MAPT: variants seen among roughly 807,000 people sequenced by gnomAD.
MAPT encodes the protein microtubule-associated protein tau.
MAPT carries 34 observed loss-of-function variants against 67.9 expected under a neutral mutation model. The observed-to-expected ratio is 0.50, with a 90% CI of 0.38 to 0.67. The LOEUF (loss-of-function observed/expected upper bound fraction) is 0.67. Among genes scored for constraint, MAPT ranks in the 30% least tolerant of loss-of-function variants. The pLI is 0.00. For synonymous variants in MAPT, 456 were observed against 464.5 expected, an observed-to-expected ratio of 0.98 and a Z score of 0.23; for missense variants, 881 against 1,115.2, an observed-to-expected ratio of 0.79 and a Z score of 2.99.
At position 45,915,857 on chromosome 17, in the gene MAPT, C is replaced by T. The variant is rs1287728905; in HGVS notation, c.-18+21171C>T. The stretch of plus-strand genomic sequence containing the variant: ...GGTGAGGCTGACTGATGTCATTTGA[C>T]GATCTTGATGCCAAATCCTTTTATA... On this transcript the variant is annotated intron_variant, in intron 1 of 12. Transcript: ENST00000262410. This position sits in a 1 kb window ranked among gnomAD's most constrained non-coding sequence, Gnocchi z 4.4. Among the ~76,000 whole-genome samples, 4 of 152,182 alleles carry T rather than the reference C, an allele frequency of 2.6e-5. No individual in the cohort carries two copies. The highest frequency in any genetic ancestry group is 6.5e-5 in the Admixed American group (1 of 15,288).
At chr17:45,903,578 G>A (rs1471380725) in intron 1 of MAPT, among the ~76,000 whole-genome samples, 1 of 149,438 alleles carries the variant, frequency 6.7e-6, no homozygotes, top group African/African-American at 2.5e-5. Flanking sequence ...AGCCGGGCGT[G>A]GTGGCGGGCG....
intron 1 of MAPT, among the ~76,000 whole-genome samples, chr17:45,927,726 C>T (rs903348902): frequency 9.9e-5 from 15 of 152,088 alleles, no homozygotes; most frequent in Non-Finnish European, 1.5e-4. Context: ...CTAGGCCAGG[C>T]GCGGTGACTC....
Position 46,010,250 on chromosome 17 carries a change from G to T in MAPT, c.1999-60G>T. The T allele has an allele frequency of 8.4e-7, 1 of 1,190,442 alleles. No individual in the cohort carries two copies. The highest frequency in any genetic ancestry group is 1.5e-5 in the African/African-American group (1 of 66,154). The allele number at this position is 1,190,442 out of a possible 1,614,324, so 73.7% of individuals were successfully genotyped here. On this transcript the variant is annotated intron_variant, in intron 9 of 12. Transcript: ENST00000262410. The surrounding 1 kb of genome is among the most constrained non-coding windows in gnomAD (Gnocchi z 4.7). ...ACTCATCGAAAGTGGAGGCGTCCTT[G>T]CGAGCAAGCAGGCGGGTCCAGGGTG...
intron 2 of MAPT, among the ~76,000 whole-genome samples, chr17:45,965,169 C>T (rs1568245916): frequency 2.6e-5 from 4 of 152,174 alleles, no homozygotes; most frequent in South Asian, 2.1e-4. Flanking sequence ...CGGTGGCTCA[C>T]ACCTGTAATC....
At chr17:45,914,240 G>A (rs2065014805) in intron 1 of MAPT, among the ~76,000 whole-genome samples, 1 of 108,374 alleles carries the variant, frequency 9.2e-6, no homozygotes, top group African/African-American at 2.7e-5. Context: ...CGCATCATGG[G>A]TCGGAGAGGA....
At chr17:45,934,458 C>G (rs1030971270) in intron 1 of MAPT, among the ~76,000 whole-genome samples, 2 of 151,806 alleles carry the variant, frequency 1.3e-5, no homozygotes, top group Admixed American at 1.3e-4. Flanking sequence ...AGTTGTTTAT[C>G]ATGTGGGTTT....
At chr17:46,004,931 C>G (rs1054621787) in intron 9 of MAPT, among the ~76,000 whole-genome samples, 21 of 152,212 alleles carry the variant, frequency 1.4e-4, no homozygotes, top group Admixed American at 1.1e-3. Flanking sequence ...CTGCAGGTGC[C>G]CGCCACCACA....
chr17:45,939,145 G>A (rs2067637196), intron 1 of MAPT, among the ~76,000 whole-genome samples: 1 of 152,034 alleles, frequency 6.6e-6, no homozygotes, highest in South Asian at 2.1e-4. Context: ...TTTTTGTAGA[G>A]ATGGGGTTTT....
intron 1 of MAPT, among the ~76,000 whole-genome samples, chr17:45,953,394 G>C (rs1246754127): frequency 6.6e-6 from 1 of 152,214 alleles, no homozygotes; most frequent in Non-Finnish European, 1.5e-5. Flanking sequence ...ACCTAGCCCA[G>C]CCAATGCAGT....
At chr17:45,943,641 C>G (rs1456834540) in intron 1 of MAPT, among the ~76,000 whole-genome samples, 1 of 152,136 alleles carries the variant, frequency 6.6e-6, no homozygotes, top group Non-Finnish European at 1.5e-5. Context: ...CATTTCTGGT[C>G]ATTTTCTGTG....
At chr17:46,008,632 A>G (rs1368968163) in intron 9 of MAPT, among the ~76,000 whole-genome samples, 1 of 152,230 alleles carries the variant, frequency 6.6e-6, no homozygotes, top group African/African-American at 2.4e-5. Context: ...GATTATGAAG[A>G]AATGAGTTAG....
At chr17:45,968,215 A>C (rs149643630) in intron 2 of MAPT, among the ~76,000 whole-genome samples, 1 of 152,104 alleles carries the variant, frequency 6.6e-6, no homozygotes, top group African/African-American at 2.4e-5. Context: ...ACAACAAAAA[A>C]AAACCCCACC....
chr17:45,920,671 G>A (rs559775257), intron 1 of MAPT, among the ~76,000 whole-genome samples: 44 of 152,322 alleles, frequency 2.9e-4, no homozygotes, highest in African/African-American at 1.1e-3. Flanking sequence ...GTGGTTGTAT[G>A]GGTCCTGTGA....
chr17:46,014,986 G>C (rs1429454917), intron 11 of MAPT, among the ~76,000 whole-genome samples: 1 of 152,110 alleles, frequency 6.6e-6, no homozygotes, highest in Non-Finnish European at 1.5e-5. Context: ...GATGGTGGGG[G>C]GATGGTCAAT....
intron 7 of MAPT, among the ~76,000 whole-genome samples, chr17:45,990,733 C>G (rs559806070): frequency 6.6e-6 from 1 of 152,192 alleles, no homozygotes; most frequent in African/African-American, 2.4e-5. Flanking sequence ...AACACTGCCC[C>G]GTGAGCTCAC....
At chr17:45,978,294 C>A in intron 3 of MAPT, 81 bp from the exon 4 acceptor site, 1 of 1,129,046 alleles carries the variant, frequency 8.9e-7, no homozygotes, top group Non-Finnish European at 1.4e-6. Flanking sequence ...GGAAAATGCC[C>A]GAAGGTACAG....
chr17:45,926,998 C>CAT (rs1439549900), intron 1 of MAPT, among the ~76,000 whole-genome samples: 2 of 149,244 alleles, frequency 1.3e-5, no homozygotes, highest in African/African-American at 5.1e-5. Flanking sequence ...CACACACATA[C>CAT]ACATATATAT....
intron 2 of MAPT, among the ~76,000 whole-genome samples, chr17:45,964,458 T>C (rs2070824086): frequency 6.7e-6 from 1 of 149,048 alleles, no homozygotes; most frequent in East Asian, 2.0e-4. Context: ...GGCAGGAGGA[T>C]TGCTTGAGCC....
At chr17:45,921,473 T>G (rs1051680595) in intron 1 of MAPT, among the ~76,000 whole-genome samples, 3 of 152,058 alleles carry the variant, frequency 2.0e-5, no homozygotes, top group Non-Finnish European at 4.4e-5. Context: ...CAGCATCCCC[T>G]GGAAGACACA....
Sources: allele counts gnomAD v4.1 joint callset (sites outside exome capture counted in the v4.1 genomes callset), GRCh38; gene constraint gnomAD v4.1.1; non-coding constraint Gnocchi (gnomAD v3.1); transcripts MANE v1.5; gene names NCBI Gene and HGNC (gene_info 2026-07-23, HGNC 2026-07-21).